Variants in AUH observed in about 807,000 individuals in gnomAD.
The protein encoded by AUH is methylglutaconyl-CoA hydratase, mitochondrial.
A neutral mutation model predicts 42.3 loss-of-function variants in AUH; 29 were observed. That is an observed-to-expected ratio of 0.69 (90% CI 0.51 to 0.93). AUH has a LOEUF of 0.93. Ranked by LOEUF, AUH falls within the 40% of genes least tolerant of loss-of-function variation. AUH has a pLI of 0.00. For synonymous variants in AUH, 174 were observed against 166.4 expected, an observed-to-expected ratio of 1.05 and a Z score of -0.35; for missense variants, 452 against 438.1, an observed-to-expected ratio of 1.03 and a Z score of -0.28.
At chr9:91,357,444 A>T (rs1047792885) in intron 1 of AUH, 1 of 931,640 alleles carries the variant, frequency 1.1e-6, no homozygotes, top group African/African-American at 1.8e-5. Flanking sequence ...AGCAGCTAAG[A>T]CTAGATGTGT....
chr9:91,323,840 G>A (rs1465490751), intron 4 of AUH, among the ~76,000 whole-genome samples: 3 of 151,842 alleles, frequency 2.0e-5, no homozygotes, highest in East Asian at 3.9e-4. Flanking sequence ...TGCACACTAT[G>A]GATAGAAAGA....
At chr9:91,313,458 C>G (rs1252940404) in intron 4 of AUH, among the ~76,000 whole-genome samples, 1 of 152,082 alleles carries the variant, frequency 6.6e-6, no homozygotes, top group African/African-American at 2.4e-5. Flanking sequence ...GTAATCCCAG[C>G]ACTTTGGGAG....
intron 6 of AUH, among the ~76,000 whole-genome samples, chr9:91,294,300 A>G (rs1352541568): frequency 6.6e-6 from 1 of 152,212 alleles, no homozygotes; most frequent in South Asian, 2.1e-4. Context: ...CTGTAATCCC[A>G]GCACTTTGGG....
At chr9:91,348,935 T>C (rs1312577781) in intron 3 of AUH, among the ~76,000 whole-genome samples, 1 of 152,172 alleles carries the variant, frequency 6.6e-6, no homozygotes, top group Non-Finnish European at 1.5e-5. Context: ...AAACAATATA[T>C]GACAACAACA....
At chr9:91,273,992 G>C (rs1825357960) in intron 6 of AUH, among the ~76,000 whole-genome samples, 2 of 152,158 alleles carry the variant, frequency 1.3e-5, no homozygotes, top group African/African-American at 2.4e-5. Context: ...TGAGTCTAAG[G>C]ATTAAAAATA....
intron 6 of AUH, among the ~76,000 whole-genome samples, chr9:91,252,483 C>G (rs1829188298): frequency 6.6e-6 from 1 of 152,154 alleles, no homozygotes; most frequent in Non-Finnish European, 1.5e-5. Flanking sequence ...CCATCACCCT[C>G]ATTTTGCAGA....
intron 6 of AUH, among the ~76,000 whole-genome samples, chr9:91,274,433 G>C (rs971434606): frequency 2.0e-5 from 3 of 152,090 alleles, no homozygotes; most frequent in African/African-American, 7.2e-5. Context: ...GATGTTATAA[G>C]GTTCTTATTT....
At chr9:91,294,867 T>C in intron 6 of AUH, 1 of 427,024 alleles carries the variant, frequency 2.3e-6, no homozygotes, top group East Asian at 7.1e-5. Flanking sequence ...ACTGAATTTC[T>C]GAAGTCTCAT....
intron 6 of AUH, among the ~76,000 whole-genome samples, chr9:91,242,780 A>G (rs1349442560): frequency 6.6e-6 from 1 of 152,228 alleles, no homozygotes; most frequent in African/African-American, 2.4e-5. Flanking sequence ...GAAACACAAA[A>G]CATCTGGCTA....
At chr9:91,266,429 A>G (rs996802498) in intron 6 of AUH, among the ~76,000 whole-genome samples, 2 of 152,090 alleles carry the variant, frequency 1.3e-5, no homozygotes, top group African/African-American at 4.8e-5. Context: ...TCACACACAA[A>G]AGTAGGGTAA....
chr9:91,280,989 G>C (rs1355591758), intron 6 of AUH, among the ~76,000 whole-genome samples: 1 of 152,128 alleles, frequency 6.6e-6, no homozygotes, highest in Non-Finnish European at 1.5e-5. Flanking sequence ...TATTTATGAT[G>C]TGTCTGATCG....
At chr9:91,330,460 C>T (rs937183463) in intron 3 of AUH, among the ~76,000 whole-genome samples, 1 of 152,088 alleles carries the variant, frequency 6.6e-6, no homozygotes, top group Non-Finnish European at 1.5e-5. Flanking sequence ...ATGCAAAGTG[C>T]CAACAACAGT....
intron 3 of AUH, among the ~76,000 whole-genome samples, chr9:91,338,223 C>T (rs1158831079): frequency 6.6e-6 from 1 of 152,178 alleles, no homozygotes; most frequent in African/African-American, 2.4e-5. Context: ...CATTTCTGTC[C>T]AGCGTCTCAG....
chr9:91,353,450 T>C (rs1832147895), intron 3 of AUH, among the ~76,000 whole-genome samples: 1 of 152,216 alleles, frequency 6.6e-6, no homozygotes, highest in Admixed American at 6.5e-5. Flanking sequence ...AAAGACCACA[T>C]TCCTCAACAA....
chr9:91,262,187 T>G (rs894895723), intron 6 of AUH, among the ~76,000 whole-genome samples: 8 of 152,228 alleles, frequency 5.3e-5, no homozygotes, highest in Non-Finnish European at 1.0e-4. Context: ...AAATTCGAGT[T>G]AACTAACATC....
At chr9:91,335,811 A>C (rs1830647694) in intron 3 of AUH, among the ~76,000 whole-genome samples, 1 of 152,134 alleles carries the variant, frequency 6.6e-6, no homozygotes, top group African/African-American at 2.4e-5. Flanking sequence ...TTTTCTAATT[A>C]CGTTTTTTGT....
chr9:91,315,981 C>A (rs1829127170), intron 4 of AUH, among the ~76,000 whole-genome samples: 1 of 152,182 alleles, frequency 6.6e-6, no homozygotes, highest in Non-Finnish European at 1.5e-5. Flanking sequence ...CATTGTGTTT[C>A]AAAGATTTAT....
In AUH at chr9:91,361,817, C is replaced by T. The variant is rs908561470; in HGVS notation, c.73G>A (p.Ala25Thr). The change falls in exon 1 of 10, where the codon GCT (alanine) becomes ACT (threonine). Residue 25 changes from alanine to threonine, a missense_variant. Coordinates refer to ENST00000375731, the MANE Select transcript of AUH (RefSeq NM_001698.3). ...LHAGGARLVA[A>T]CSAWLCPGLR... ...CCCGGGCAGAGCCACGCACTGCAAGCGGCCACCAGGCGGGCGCCGCCAGCA... is the reference window on the plus strand; with the variant it reads ...CCCGGGCAGAGCCACGCACTGCAAGTGGCCACCAGGCGGGCGCCGCCAGCA... 3 of 1,511,664 alleles carry T rather than the reference C, an allele frequency of 2.0e-6. No individual in the cohort carries two copies. Among genetic ancestry groups the T allele is most frequent in the East Asian group, 2.7e-5 (1 of 36,956 alleles). The allele number at this position is 1,511,664 out of a possible 1,614,324, so 93.6% of individuals were successfully genotyped here.
At chr9:91,257,708 G>C (rs1356457312) in intron 6 of AUH, among the ~76,000 whole-genome samples, 2 of 152,172 alleles carry the variant, frequency 1.3e-5, no homozygotes, top group Admixed American at 6.5e-5. Flanking sequence ...TTTATAGTAA[G>C]TCTTGAAATC....
Sources: gnomAD v4.1 joint callset for allele counts (sites outside exome capture counted in the v4.1 genomes callset) on GRCh38, gnomAD v4.1.1 for gene constraint, MANE v1.5 for transcripts, NCBI Gene and HGNC (gene_info 2026-07-23, HGNC 2026-07-21) for gene names.